HSD17B12: variants seen among roughly 807,000 people sequenced by gnomAD.
The protein encoded by HSD17B12 is hydroxysteroid 17-beta dehydrogenase 12.
Under a neutral mutation model 39.3 loss-of-function variants are expected in HSD17B12, and 32 were observed. That is an observed-to-expected ratio of 0.81 (90% confidence interval 0.61 to 1.09). The LOEUF is 1.09. Ranked by LOEUF, HSD17B12 falls within the 50% of genes least tolerant of loss-of-function variation. The pLI is 0.00. For missense variants in HSD17B12, 342 were observed against 382.9 expected (o/e 0.89, Z 0.89); for synonymous variants, 150 against 146.7 (o/e 1.02, Z -0.16).
chr11:43,708,762 T>A (rs915931466), intron 1 of HSD17B12, among the ~76,000 whole-genome samples: 27 of 152,278 alleles, frequency 1.8e-4, no homozygotes, highest in Non-Finnish European at 3.4e-4. Flanking sequence ...ACTTCATAGA[T>A]CATGATATTT....
chr11:43,789,436 C>T (rs1950846319), intron 3 of HSD17B12, among the ~76,000 whole-genome samples: 1 of 152,224 alleles, frequency 6.6e-6, no homozygotes, highest in Non-Finnish European at 1.5e-5. Flanking sequence ...AAAACAGACA[C>T]AGATCCTGCC....
the HSD17B12 span, among the ~76,000 whole-genome samples, chr11:43,605,321 G>A: frequency 1.3e-5 from 2 of 152,062 alleles, no homozygotes; most frequent in Non-Finnish European, 2.9e-5. Flanking sequence ...CAGTGCTTTG[G>A]GAGGCCGAGG....
At chr11:43,775,383 G>A (rs1199405389) in intron 3 of HSD17B12, among the ~76,000 whole-genome samples, 1 of 152,188 alleles carries the variant, frequency 6.6e-6, no homozygotes, top group Non-Finnish European at 1.5e-5. Flanking sequence ...ATGAGCGACA[G>A]ATGCAGGTTT....
At chr11:43,829,323 G>T (rs1217303299) in intron 6 of HSD17B12, among the ~76,000 whole-genome samples, 2 of 152,068 alleles carry the variant, frequency 1.3e-5, no homozygotes, top group African/African-American at 4.8e-5. Flanking sequence ...TATATATAAA[G>T]AATATATTTT....
the HSD17B12 span, among the ~76,000 whole-genome samples, chr11:43,585,837 C>T: frequency 6.6e-5 from 10 of 152,122 alleles, no homozygotes; most frequent in East Asian, 1.2e-3. Context: ...AATAATAAGG[C>T]GGGGTGGTGG....
At chr11:43,761,636 G>T (rs1176974641) in intron 3 of HSD17B12, among the ~76,000 whole-genome samples, 1 of 152,222 alleles carries the variant, frequency 6.6e-6, no homozygotes, top group South Asian at 2.1e-4. Flanking sequence ...GAAGATCTAA[G>T]ATGGCTTCTC....
chr11:43,775,297 T>C (rs1950689154), intron 3 of HSD17B12, among the ~76,000 whole-genome samples: 1 of 151,966 alleles, frequency 6.6e-6, no homozygotes. Context: ...TATATATTGT[T>C]CTAAACAGCC....
chr11:43,778,389 C>T (rs1157762032), intron 3 of HSD17B12, among the ~76,000 whole-genome samples: 2 of 152,162 alleles, frequency 1.3e-5, no homozygotes, highest in Admixed American at 1.3e-4. Flanking sequence ...GATTCACAGC[C>T]GAATTCTACC....
chr11:43,702,088 T>C (rs1949970263), intron 1 of HSD17B12, among the ~76,000 whole-genome samples: 1 of 152,214 alleles, frequency 6.6e-6, no homozygotes. Context: ...GGGTAGCTAT[T>C]ATAAAGGGGA....
At chr11:43,824,370 C>T (rs1359520993) in intron 6 of HSD17B12, among the ~76,000 whole-genome samples, 1 of 152,238 alleles carries the variant, frequency 6.6e-6, no homozygotes, top group African/African-American at 2.4e-5. Context: ...TCTCTTCTGT[C>T]TTAGTCCCTC....
At chr11:43,594,626 C>A in the HSD17B12 span, among the ~76,000 whole-genome samples, 3 of 150,466 alleles carry the variant, frequency 2.0e-5, no homozygotes, top group Non-Finnish European at 4.4e-5. Context: ...GTTTGGCTTT[C>A]TAAGAGCTAA....
rs1950603351 is a variant in HSD17B12 at position 43,767,204 on chromosome 11, T to TG, written c.283+13083_283+13084insG. Among the ~76,000 whole-genome samples, 6 of 146,344 alleles carry TG rather than the reference T, an allele frequency of 4.1e-5. No homozygotes were observed. In the South Asian group the frequency reaches 1.3e-3, roughly 31 times the overall value. ...TATTGATGGTTCAGTGACTTTTGTGTAAAAAAAAAAAACACTTTTTTTGGT... is the reference window on the plus strand; with the variant it reads ...TATTGATGGTTCAGTGACTTTTGTGTGAAAAAAAAAAAACACTTTTTTTGGT... On this transcript the variant is annotated intron_variant, in intron 3 of 10. Transcript: ENST00000278353.
chr11:43,679,565 CT>C (rs993513306), upstream of HSD17B12, among the ~76,000 whole-genome samples: 1 of 152,158 alleles, frequency 6.6e-6, no homozygotes, highest in Non-Finnish European at 1.5e-5. Flanking sequence ...GGACTTCACA[CT>C]TCTGTGCCCC....
chr11:43,744,539 C>T (rs1036995565), intron 1 of HSD17B12, among the ~76,000 whole-genome samples: 1 of 152,006 alleles, frequency 6.6e-6, no homozygotes, highest in African/African-American at 2.4e-5. Context: ...AGACTTTTTA[C>T]AAAAAGATAT....
chr11:43,608,823 A>G, the HSD17B12 span, among the ~76,000 whole-genome samples: 8 of 152,308 alleles, frequency 5.3e-5, no homozygotes, highest in African/African-American at 1.9e-4. Context: ...CCAAGTAGTG[A>G]AGCTCTTCGA....
chr11:43,812,721 G>A (rs1454093515), intron 4 of HSD17B12, among the ~76,000 whole-genome samples: 1 of 152,084 alleles, frequency 6.6e-6, no homozygotes, highest in East Asian at 1.9e-4. Flanking sequence ...CTTTTTGGTT[G>A]AATATGTTTT....
intron 4 of HSD17B12, among the ~76,000 whole-genome samples, chr11:43,809,674 G>T (rs779335738): frequency 6.6e-6 from 1 of 152,016 alleles, no homozygotes; most frequent in Non-Finnish European, 1.5e-5. Context: ...CAAAAAATTA[G>T]CCGGTCGTGG....
chr11:43,599,528 A>G, the HSD17B12 span, among the ~76,000 whole-genome samples: 4 of 152,164 alleles, frequency 2.6e-5, no homozygotes, highest in South Asian at 6.2e-4. Flanking sequence ...ACAGGAAATA[A>G]GCCTAGTACC....
chr11:43,588,837 AT>A, the HSD17B12 span, among the ~76,000 whole-genome samples: 48 of 151,914 alleles, frequency 3.2e-4, no homozygotes, highest in East Asian at 7.9e-3. Context: ...TGATAGAAAA[AT>A]CTTTTTCTCT....
Sources: allele counts gnomAD v4.1 joint callset (sites outside exome capture counted in the v4.1 genomes callset), GRCh38; gene constraint gnomAD v4.1.1; transcripts MANE v1.5; gene names NCBI Gene and HGNC (gene_info 2026-07-23, HGNC 2026-07-21).